The following INTS8 variants were observed in gnomAD, a reference collection of about 807,000 sequenced individuals.
The protein encoded by INTS8 is integrator complex subunit 8, also known as protein kaonashi-1.
A neutral mutation model predicts 138.9 loss-of-function variants in INTS8; 47 were observed. The ratio of observed to expected loss-of-function variants is 0.34; its 90% CI spans 0.27 to 0.43. The LOEUF is 0.43. Ranked by LOEUF, INTS8 falls within the 20% of genes least tolerant of loss-of-function variation. INTS8 has a pLI of 1.00. For missense variants in INTS8, 996 were observed against 1,173.0 expected, an observed-to-expected ratio of 0.85 and a Z score of 2.20; for synonymous variants, 392 against 400.9, an observed-to-expected ratio of 0.98 and a Z score of 0.27.
intron 6 of INTS8, among the ~76,000 whole-genome samples, chr8:94,833,595 G>T (rs569250730): frequency 2.0e-5 from 3 of 152,226 alleles, no homozygotes; most frequent in African/African-American, 7.2e-5. Context: ...TTTAAAAGTT[G>T]TTGATGACAC....
At chr8:94,861,820 G>A (rs572005878) in intron 16 of INTS8, among the ~76,000 whole-genome samples, 82 of 152,096 alleles carry the variant, frequency 5.4e-4, no homozygotes, top group Non-Finnish European at 9.4e-4. Flanking sequence ...CAAAGTGCTG[G>A]GATTACAGGC....
Position 94,823,383 on chromosome 8 carries a change from C to A in INTS8, c.-49C>A. 3 of 1,504,728 alleles carry A rather than the reference C, an allele frequency of 2.0e-6. No individual in the cohort carries two copies. The highest frequency in any genetic ancestry group is 2.6e-5 in the South Asian group (2 of 77,762). 93.2% of individuals were successfully genotyped at this position (1,504,728 alleles called of 1,614,324 possible). A position where few individuals can be genotyped will look rare whatever the true frequency, so the allele number is the denominator to read the frequency against. ...CAGGCACCGGCCCGCATCCAAGTGT[C>A]AGGTTGGAGCCGGGAAGCGGCCCTG... On this transcript the variant is annotated 5_prime_UTR_variant, in exon 1 of 27. Transcript: ENST00000523731.
At chr8:94,836,498 C>T in intron 6 of INTS8, 26 bp from the exon 7 acceptor site, 1 of 1,564,082 alleles carries the variant, frequency 6.4e-7, no homozygotes, top group Non-Finnish European at 8.8e-7. Flanking sequence ...AATTGTTAAG[C>T]AAATTGGTGT....
At chr8:94,861,465 G>A (rs562369266) in intron 16 of INTS8, among the ~76,000 whole-genome samples, 1 of 151,802 alleles carries the variant, frequency 6.6e-6, no homozygotes, top group Non-Finnish European at 1.5e-5. Context: ...GTTTCACCGT[G>A]TTAGCCAGGA....
Position 94,881,245 on chromosome 8 carries a change from T to A in INTS8, c.*1011T>A, listed in dbSNP as rs1362279964. The A allele has an allele frequency of 5.6e-6, 2 of 354,360 alleles. No homozygotes were observed. The highest frequency in any genetic ancestry group is 1.0e-5 in the Non-Finnish European group (2 of 199,490). 22.0% of individuals were successfully genotyped at this position (354,360 alleles called of 1,614,324 possible). ...TAACAACTAGATTCAAAGTACTGTA[T>A]CACTTAGTATACCCTTTAAGGTAGC... On this transcript the variant is annotated 3_prime_UTR_variant, in exon 27 of 27. Transcript: ENST00000523731.
In INTS8 at chr8:94,857,121, G is replaced by GGAGTGT. The variant is rs373405876; in HGVS notation, c.1954+144_1954+149dup. ...GGAGTGTAGCTCTGTCACCCAGGCTGGAGTGTAATGGCGCGATCTCGGCCC... is the reference window on the plus strand; with the variant it reads ...GGAGTGTAGCTCTGTCACCCAGGCTGGAGTGTGAGTGTAATGGCGCGATCTCGGCCC... On this transcript the variant is annotated intron_variant, in intron 15 of 26. Transcript: ENST00000523731. The GGAGTGT allele has an allele frequency of 3.9e-5, 25 of 647,112 alleles. No homozygotes were observed. In the African/African-American group the frequency reaches 4.4e-4, roughly 11 times the overall value. The allele number at this position is 647,112 out of a possible 1,614,324, so 40.1% of individuals were successfully genotyped here.
chr8:94,861,764 C>T (rs1032935027), intron 16 of INTS8, among the ~76,000 whole-genome samples: 5 of 148,548 alleles, frequency 3.4e-5, no homozygotes, highest in Non-Finnish European at 7.4e-5. Context: ...GTTAGTCAGG[C>T]GGGTCTGAAC....
chr8:94,842,674 T>G (rs1287522269), intron 10 of INTS8, among the ~76,000 whole-genome samples, 186 bp downstream of exon 10: 1 of 152,228 alleles, frequency 6.6e-6, no homozygotes, highest in Non-Finnish European at 1.5e-5. Context: ...TCTAGTTCGC[T>G]CCATGTTTCT....
In INTS8 at chr8:94,850,480, T is replaced by C. The variant is rs113120213; in HGVS notation, c.1507+389T>C. ...ACAAAAAATTAGCCAGGCATGGTGG[T>C]GGGCGCCTGTAGTCCCAGCTACTCT... On this transcript the variant is annotated intron_variant, in intron 12 of 26. Coordinates refer to ENST00000523731, the MANE Select transcript of INTS8 (RefSeq NM_017864.4). 1.2e-3 allele frequency among the ~76,000 whole-genome samples: 176 copies of C among 152,018 alleles called. 1 individual carries two copies. Among genetic ancestry groups the C allele is most frequent in the Middle Eastern group, 6.8e-3 (2 of 292 alleles).
At chr8:94,863,105 A>G (rs1335934849) in intron 16 of INTS8, among the ~76,000 whole-genome samples, 1 of 152,234 alleles carries the variant, frequency 6.6e-6, no homozygotes, top group Non-Finnish European at 1.5e-5. Context: ...TGGCAGTGTC[A>G]CATAATGGAA....
Position 94,842,504 on chromosome 8 carries a change from CT to C in INTS8, c.1260+19del, listed in dbSNP as rs771464450. 5 of 1,582,218 alleles carry C rather than the reference CT, an allele frequency of 3.2e-6. No individual in the cohort carries two copies. The East Asian group carries it at 1.1e-4, about 36-fold the overall frequency. On this transcript the variant is annotated intron_variant, in intron 10 of 26. Transcript: ENST00000523731. ...TCTTCTTGAGGTATGACATGTTTTT[CT>C]TTCCCCTTTTGATTTATAATTTGCT...
chr8:94,848,985 T>C (rs1815431840), intron 10 of INTS8, among the ~76,000 whole-genome samples: 1 of 152,162 alleles, frequency 6.6e-6, no homozygotes, highest in South Asian at 2.1e-4. Context: ...CATTGTTTAC[T>C]TTTTAAACCT....
At position 94,867,546 on chromosome 8, in the gene INTS8, CAG is replaced by C. The variant is rs201771245; in HGVS notation, c.2414+212_2414+213del. ...CTTTTTTTTTTTTTTTTTTTTGAGGCAGAGTCTCACTCTGTTGCCCAGGCTGG... is the reference window on the plus strand; with the variant it reads ...CTTTTTTTTTTTTTTTTTTTTGAGGCAGTCTCACTCTGTTGCCCAGGCTGG... On this transcript the variant is annotated intron_variant, in intron 20 of 26. Transcript: ENST00000523731. The C allele has an allele frequency of 1.9e-3, 800 of 423,374 alleles. 4 individuals are homozygous for C. Among genetic ancestry groups the C allele is most frequent in the African/African-American group, 0.017 (686 of 39,352 alleles). The allele number at this position is 423,374 out of a possible 1,614,324, so 26.2% of individuals were successfully genotyped here. A position where few individuals can be genotyped will look rare whatever the true frequency, so the allele number is the denominator to read the frequency against.
chr8:94,866,344 G>A (rs189044107), intron 18 of INTS8, 153 bp downstream of exon 18: 220 of 625,732 alleles, frequency 3.5e-4, no homozygotes, highest in African/African-American at 3.3e-3. Context: ...CCAAGCTGGA[G>A]TGCTGAGGTG....
intron 26 of INTS8, among the ~76,000 whole-genome samples, chr8:94,879,167 T>C (rs1816691581): frequency 6.6e-6 from 1 of 152,234 alleles, no homozygotes; most frequent in African/African-American, 2.4e-5. Context: ...CTACCAACTT[T>C]TGCCACATGC....
intron 20 of INTS8, among the ~76,000 whole-genome samples, chr8:94,868,980 A>ATTT (rs765235187): frequency 6.6e-5 from 7 of 106,812 alleles, no homozygotes; most frequent in African/African-American, 1.8e-4. Flanking sequence ...CCAGTTTTGG[A>ATTT]TTTTTTTTTT....
At chr8:94,879,934 TGA>T in intron 26 of INTS8, 182 bp from the exon 27 acceptor site, 1 of 432,004 alleles carries the variant, frequency 2.3e-6, no homozygotes, top group Non-Finnish European at 4.2e-6. Flanking sequence ...CATCTTTCCT[TGA>T]GAGTGGCCCT....
chr8:94,857,071 CTTTTTTTTT>C, intron 15 of INTS8, 93 bp downstream of exon 15: 3 of 546,874 alleles, frequency 5.5e-6, no homozygotes, highest in East Asian at 3.6e-5. Context: ...AGTTTGTAAT[CTTTTTTTTT>C]TTTTTTTTTT....
Position 94,880,145 on chromosome 8 carries a change from A to C in INTS8, c.2899A>C (p.Asn967His). 1 of 1,611,572 alleles carries C rather than the reference A, an allele frequency of 6.2e-7. No individual in the cohort carries two copies. Among genetic ancestry groups the C allele is most frequent in the Non-Finnish European group, 8.5e-7 (1 of 1,179,258 alleles). The change falls in exon 27 of 27, where the codon AAT becomes CAT. Residue 967 changes from asparagine to histidine, a missense_variant. Physicochemically the swap from Asn to His is moderately conservative, Grantham distance 68. Transcript: ENST00000523731. ...CAAAGCCATCGGCCAGACAGAGTTG[A>C]ATGCAAGCAATCCAGAAGAAGTGTT... ...AIKAIGQTEL[N>H]ASNPEEVLQL...
Sources: gnomAD v4.1 joint callset for allele counts (sites outside exome capture counted in the v4.1 genomes callset) on GRCh38, gnomAD v4.1.1 for gene constraint, MANE v1.5 for transcripts, NCBI Gene and HGNC (gene_info 2026-07-23, HGNC 2026-07-21) for gene names.